NUBPL: variants seen among roughly 807,000 people sequenced by gnomAD.
NUBPL encodes iron-sulfur cluster transfer protein NUBPL.
NUBPL carries 31 observed loss-of-function variants against 45.7 expected under a neutral mutation model. The ratio of observed to expected loss-of-function variants is 0.68; its 90% CI spans 0.51 to 0.92. The LOEUF (loss-of-function observed/expected upper bound fraction) is 0.92. NUBPL is among the 40% of genes least tolerant of loss of function. The probability of loss-of-function intolerance (pLI) is 0.00; values close to 1 mark genes in which losing one functional copy is unlikely to be tolerated. For synonymous variants in NUBPL, 144 were observed against 140.9 expected (o/e 1.02, Z -0.15); for missense variants, 401 against 398.7 (o/e 1.01, Z -0.05).
At chr14:31,789,331 GA>G (rs1595629249) in intron 7 of NUBPL, among the ~76,000 whole-genome samples, 1 of 150,436 alleles carries the variant, frequency 6.6e-6, no homozygotes, top group Admixed American at 6.6e-5. Context: ...TGTCTCAAAA[GA>G]AAAAAAATAA....
chr14:31,837,055 A>T (rs938515624), intron 8 of NUBPL, among the ~76,000 whole-genome samples: 2 of 152,200 alleles, frequency 1.3e-5, no homozygotes, highest in Non-Finnish European at 2.9e-5. Flanking sequence ...TTCAGTTTTT[A>T]AAAATATTCG....
intron 7 of NUBPL, among the ~76,000 whole-genome samples, chr14:31,825,166 C>T (rs1023252444): frequency 2.0e-5 from 3 of 151,846 alleles, no homozygotes; most frequent in Non-Finnish European, 4.4e-5. Flanking sequence ...TTTATTCCCA[C>T]CAAACTGCTT....
intron 6 of NUBPL, among the ~76,000 whole-genome samples, chr14:31,701,370 G>T (rs1437896823): frequency 6.6e-6 from 1 of 152,230 alleles, no homozygotes; most frequent in Admixed American, 6.5e-5. Context: ...CTGTCAAAAT[G>T]GACCAATCAG....
At chr14:31,563,470 A>T (rs1217236515) in intron 2 of NUBPL, among the ~76,000 whole-genome samples, 1 of 152,170 alleles carries the variant, frequency 6.6e-6, no homozygotes, top group African/African-American at 2.4e-5. Flanking sequence ...TCCCTTTCTC[A>T]CTTTTTTTCT....
chr14:31,664,868 G>A (rs2036366672), intron 4 of NUBPL, among the ~76,000 whole-genome samples: 1 of 152,082 alleles, frequency 6.6e-6, no homozygotes. Flanking sequence ...TCTGGTCCTG[G>A]GCTTTTTTGG....
At chr14:31,567,633 T>A (rs2033471573) in intron 3 of NUBPL, among the ~76,000 whole-genome samples, 1 of 152,232 alleles carries the variant, frequency 6.6e-6, no homozygotes, top group African/African-American at 2.4e-5. Flanking sequence ...ATTTCTTATT[T>A]TCCACTTGCT....
intron 4 of NUBPL, among the ~76,000 whole-genome samples, chr14:31,599,865 C>T (rs2034381390): frequency 6.6e-6 from 1 of 151,500 alleles, no homozygotes; most frequent in Non-Finnish European, 1.5e-5. Context: ...TGAGCATTTT[C>T]TTACTGCATT....
intron 4 of NUBPL, among the ~76,000 whole-genome samples, chr14:31,637,867 T>A (rs554242039): frequency 1.3e-5 from 2 of 152,276 alleles, no homozygotes; most frequent in African/African-American, 4.8e-5. Flanking sequence ...TCTTTTGATG[T>A]TTGTTGGTTT....
chr14:31,779,754 C>T (rs886160876), intron 6 of NUBPL, among the ~76,000 whole-genome samples: 10 of 152,210 alleles, frequency 6.6e-5, no homozygotes, highest in African/African-American at 2.4e-4. Context: ...GAGTTACAAT[C>T]TAATAACAGA....
chr14:31,756,334 A>T (rs1314301039), intron 6 of NUBPL, among the ~76,000 whole-genome samples: 1 of 152,116 alleles, frequency 6.6e-6, no homozygotes, highest in Non-Finnish European at 1.5e-5. Context: ...ACCCATGAGC[A>T]TGGAATGTTC....
chr14:31,766,571 T>C (rs560858300), intron 6 of NUBPL, among the ~76,000 whole-genome samples: 1 of 152,284 alleles, frequency 6.6e-6, no homozygotes, highest in East Asian at 1.9e-4. Context: ...CCCATTATAG[T>C]AATACCCATT....
rs571508972 is a variant in NUBPL at position 31,598,512 on chromosome 14, AG to A, written c.292-773del. On this transcript the variant is annotated intron_variant, in intron 3 of 10. Transcript: ENST00000281081. ...TCATCTATCAAAGGAGAAAGAAGAGAGGGGAAGAAGAAAAAAAAGAGACATA... is the reference window on the plus strand; with the variant it reads ...TCATCTATCAAAGGAGAAAGAAGAGAGGGAAGAAGAAAAAAAAGAGACATA... Among the ~76,000 whole-genome samples the A allele has an allele frequency of 2.5e-3, 380 of 152,218 alleles. 2 individuals carry two copies. Among genetic ancestry groups the A allele is most frequent in the African/African-American group, 8.6e-3 (356 of 41,536 alleles).
At chr14:31,650,695 T>G (rs1265131531) in intron 4 of NUBPL, among the ~76,000 whole-genome samples, 1 of 152,200 alleles carries the variant, frequency 6.6e-6, no homozygotes, top group Non-Finnish European at 1.5e-5. Flanking sequence ...AAAGCGGCTT[T>G]AAATTATTAA....
At chr14:31,722,173 T>G (rs1318527910) in intron 6 of NUBPL, among the ~76,000 whole-genome samples, 5 of 151,818 alleles carry the variant, frequency 3.3e-5, no homozygotes, top group Admixed American at 6.6e-5. Context: ...ATATTTTTGG[T>G]TTTTGTTTTT....
intron 7 of NUBPL, among the ~76,000 whole-genome samples, chr14:31,824,220 A>G (rs1478083562): frequency 1.3e-5 from 2 of 152,146 alleles, no homozygotes; most frequent in African/African-American, 4.8e-5. Flanking sequence ...TTGTAGATGA[A>G]GAAACAAAAA....
intron 6 of NUBPL, among the ~76,000 whole-genome samples, chr14:31,746,021 C>T (rs970511096): frequency 1.3e-5 from 2 of 151,954 alleles, no homozygotes; most frequent in African/African-American, 4.9e-5. Context: ...AAAAGCTGCC[C>T]CTCACCCCGC....
intron 6 of NUBPL, among the ~76,000 whole-genome samples, chr14:31,728,146 T>C (rs2037967410): frequency 6.6e-6 from 1 of 152,082 alleles, no homozygotes; most frequent in African/African-American, 2.4e-5. Context: ...CTAGTTTTTT[T>C]TACTACTTTT....
intron 6 of NUBPL, among the ~76,000 whole-genome samples, chr14:31,737,284 T>TATG (rs1350269069): frequency 1.3e-5 from 2 of 152,330 alleles, no homozygotes; most frequent in East Asian, 3.9e-4. Context: ...CATTTATGTC[T>TATG]ATGATCTCAC....
chr14:31,561,558 C>A lies in NUBPL; in HGVS notation c.108+11C>A. ...GTTTGTGGGCGCCAGGTCCGTGGTGCTGCAGGGCAGGGGGAAGCGGGCTGA... is the reference window on the plus strand; with the variant it reads ...GTTTGTGGGCGCCAGGTCCGTGGTGATGCAGGGCAGGGGGAAGCGGGCTGA... On this transcript the variant is annotated intron_variant, in intron 1 of 10. Transcript: ENST00000281081. 7.3e-7 allele frequency: 1 copy of A among 1,372,402 alleles called. No homozygotes were observed. Among genetic ancestry groups the A allele is most frequent in the Non-Finnish European group, 9.5e-7 (1 of 1,055,894 alleles). 85.0% of individuals were successfully genotyped at this position (1,372,402 alleles called of 1,614,324 possible). A position where few individuals can be genotyped will look rare whatever the true frequency, so the allele number is the denominator to read the frequency against.
Sources: gnomAD v4.1 joint callset for allele counts (sites outside exome capture counted in the v4.1 genomes callset) on GRCh38, gnomAD v4.1.1 for gene constraint, MANE v1.5 for transcripts, NCBI Gene and HGNC (gene_info 2026-07-23, HGNC 2026-07-21) for gene names.